JAZF1: variants seen among roughly 807,000 people sequenced by gnomAD.
JAZF1 encodes JAZF zinc finger 1.
JAZF1 carries 8 observed loss-of-function variants against 26.4 expected under a neutral mutation model. The ratio of observed to expected loss-of-function variants is 0.30; its 90% CI spans 0.18 to 0.55. JAZF1 has a LOEUF of 0.55. Ranked by LOEUF, JAZF1 falls within the 20% of genes least tolerant of loss-of-function variation. The probability of loss-of-function intolerance (pLI) is 0.94; values close to 1 mark genes in which losing one functional copy is unlikely to be tolerated. For synonymous variants in JAZF1, 126 were observed against 122.3 expected (o/e 1.03, Z -0.20); for missense variants, 199 against 322.0 (o/e 0.62, Z 2.92).
intron 1 of JAZF1, among the ~76,000 whole-genome samples, chr7:28,045,187 T>C (rs1783475846): frequency 6.6e-6 from 1 of 152,030 alleles, no homozygotes; most frequent in African/African-American, 2.4e-5. Flanking sequence ...GGGATGGGGA[T>C]GAGTGGTAGG....
chr7:27,994,023 T>C (rs1444887323), intron 1 of JAZF1, among the ~76,000 whole-genome samples: 3 of 152,216 alleles, frequency 2.0e-5, no homozygotes, highest in African/African-American at 7.2e-5. Context: ...TTTCTTTTTT[T>C]CTCAAATTAT....
intron 2 of JAZF1, among the ~76,000 whole-genome samples, chr7:27,989,776 A>G (rs1243262968): frequency 6.6e-6 from 1 of 152,210 alleles, no homozygotes; most frequent in African/African-American, 2.4e-5. Context: ...TCAAAAAGTC[A>G]GGAAACAACA....
chr7:27,844,737 C>T (rs181483925), intron 3 of JAZF1, among the ~76,000 whole-genome samples: 1 of 152,142 alleles, frequency 6.6e-6, no homozygotes, highest in Admixed American at 6.5e-5. Context: ...AATTAATACC[C>T]CCTTCTCGCA....
chr7:28,079,571 A>C (rs1459938558), intron 1 of JAZF1, among the ~76,000 whole-genome samples: 1 of 152,254 alleles, frequency 6.6e-6, no homozygotes, highest in Non-Finnish European at 1.5e-5. Context: ...AAATGACCTG[A>C]GAGTTTACCC....
intron 3 of JAZF1, among the ~76,000 whole-genome samples, chr7:27,885,147 C>T (rs1031960991): frequency 1.3e-5 from 2 of 152,226 alleles, no homozygotes; most frequent in Non-Finnish European, 2.9e-5. Flanking sequence ...CAATTCTACA[C>T]ACCTTAAAGG....
intron 2 of JAZF1, among the ~76,000 whole-genome samples, chr7:27,943,335 AG>A (rs1202783234): frequency 6.6e-6 from 1 of 152,188 alleles, no homozygotes; most frequent in African/African-American, 2.4e-5. Context: ...GATAAGGCTC[AG>A]GGTCGTGGGA....
At chr7:27,940,464 T>C (rs1784829610) in intron 2 of JAZF1, among the ~76,000 whole-genome samples, 1 of 152,124 alleles carries the variant, frequency 6.6e-6, no homozygotes, top group Non-Finnish European at 1.5e-5. Context: ...CACACACACA[T>C]GCCCAGATGC....
At chr7:27,875,403 C>A (rs1360347210) in intron 3 of JAZF1, among the ~76,000 whole-genome samples, 2 of 152,112 alleles carry the variant, frequency 1.3e-5, no homozygotes, top group Non-Finnish European at 2.9e-5. Flanking sequence ...TCAGAATAAC[C>A]TTTTAAAAAT....
At chr7:28,140,456 G>A (rs1438148581) in intron 1 of JAZF1, among the ~76,000 whole-genome samples, 1 of 151,986 alleles carries the variant, frequency 6.6e-6, no homozygotes, top group African/African-American at 2.4e-5. Context: ...TATGAGGAAG[G>A]CTAACAGACA....
chr7:27,909,916 C>G (rs1457734604), intron 2 of JAZF1, among the ~76,000 whole-genome samples: 1 of 152,054 alleles, frequency 6.6e-6, no homozygotes, highest in African/African-American at 2.4e-5. Context: ...CAGAAGAGAA[C>G]AAAGGGAAAA....
chr7:27,958,240 T>G (rs142759108), intron 2 of JAZF1, among the ~76,000 whole-genome samples: 6 of 152,324 alleles, frequency 3.9e-5, no homozygotes, highest in Non-Finnish European at 8.8e-5. Context: ...CACTTGATGC[T>G]CAGGGTGGCT....
chr7:27,976,670 C>T (rs1785478952), intron 2 of JAZF1, among the ~76,000 whole-genome samples: 1 of 151,496 alleles, frequency 6.6e-6, no homozygotes, highest in Admixed American at 6.6e-5. Context: ...TATGACTGCT[C>T]TCAGAAGACC....
intron 1 of JAZF1, among the ~76,000 whole-genome samples, chr7:28,139,323 C>A (rs917604834): frequency 4.6e-5 from 7 of 152,184 alleles, no homozygotes; most frequent in African/African-American, 1.7e-4. Flanking sequence ...ACTGTGTCCC[C>A]CAGAGCTGAT....
rs138091215 is a variant in JAZF1 at position 27,918,365 on chromosome 7, G to A, written c.189-22949C>T. 7.0e-4 allele frequency among the ~76,000 whole-genome samples: 106 copies of A among 152,184 alleles called. No homozygotes were observed. In the East Asian group the frequency reaches 0.018, roughly 25 times the overall value. Reference sequence around the variant, plus strand: ...CCAGCCAACATTTATCTCTTTGTGTGAACAACAATTGCAACTCTAAGAAAA... The same window carrying A: ...CCAGCCAACATTTATCTCTTTGTGTAAACAACAATTGCAACTCTAAGAAAA... On this transcript the variant is annotated intron_variant, in intron 2 of 4. Coordinates refer to ENST00000283928, the MANE Select transcript of JAZF1 (RefSeq NM_175061.4).
intron 2 of JAZF1, among the ~76,000 whole-genome samples, chr7:27,971,218 T>C (rs1785370386): frequency 6.6e-6 from 1 of 152,222 alleles, no homozygotes; most frequent in Non-Finnish European, 1.5e-5. Flanking sequence ...TTTGTGATGA[T>C]ATGGTTATGT....
At chr7:28,134,425 C>T (rs1478843462) in intron 1 of JAZF1, among the ~76,000 whole-genome samples, 3 of 151,560 alleles carry the variant, frequency 2.0e-5, no homozygotes, top group African/African-American at 4.9e-5. Context: ...CTCAGCCTCC[C>T]GAGTAGCTGG....
chr7:27,865,963 T>C (rs1269937849), intron 3 of JAZF1, among the ~76,000 whole-genome samples: 22 of 152,130 alleles, frequency 1.4e-4, no homozygotes, highest in Non-Finnish European at 2.5e-4. Context: ...CACAAGTCAC[T>C]TGGGGCTGTT....
chr7:27,840,535 C>A lies in JAZF1; in HGVS notation c.555+163G>T, dbSNP rs562179021. Reference sequence around the variant, plus strand: ...GCGGGTGAGCACTTCCTTGAGGGCACCTGTGTGCACACAGGGGTGAGGCCC... The same window carrying A: ...GCGGGTGAGCACTTCCTTGAGGGCAACTGTGTGCACACAGGGGTGAGGCCC... On this transcript the variant is annotated intron_variant, in intron 4 of 4. Transcript: ENST00000283928. This position sits in a 1 kb window ranked among gnomAD's most constrained non-coding sequence, Gnocchi z 5.1. Among the ~76,000 whole-genome samples, 6 of 152,352 alleles carry A rather than the reference C, an allele frequency of 3.9e-5. No individual in the cohort carries two copies. The South Asian group carries it at 1.2e-3, about 32-fold the overall frequency.
chr7:28,054,050 C>T (rs1391055303), intron 1 of JAZF1, among the ~76,000 whole-genome samples: 1 of 152,202 alleles, frequency 6.6e-6, no homozygotes, highest in Admixed American at 6.5e-5. Context: ...TATACCTCCC[C>T]AAGTATAAAC....
Sources: allele counts gnomAD v4.1 joint callset (sites outside exome capture counted in the v4.1 genomes callset), GRCh38; gene constraint gnomAD v4.1.1; non-coding constraint Gnocchi (gnomAD v3.1); transcripts MANE v1.5; gene names NCBI Gene and HGNC (gene_info 2026-07-23, HGNC 2026-07-21).